MDGA2: variants seen among roughly 807,000 people sequenced by gnomAD.
MDGA2 encodes MAM domain containing glycosylphosphatidylinositol anchor 2, also known as MAM domain-containing glycosylphosphatidylinositol anchor protein 2.
MDGA2 carries 40 observed loss-of-function variants against 117.8 expected under a neutral mutation model. That is an observed-to-expected ratio of 0.34 (90% CI 0.26 to 0.44). The LOEUF (loss-of-function observed/expected upper bound fraction) is 0.44, where lower values mean the gene tolerates loss of function less well. Ranked by LOEUF, MDGA2 falls within the 20% of genes least tolerant of loss-of-function variation. The pLI is 1.00. For synonymous variants in MDGA2, 452 were observed against 439.0 expected, an observed-to-expected ratio of 1.03 and a Z score of -0.37; for missense variants, 1,123 against 1,250.6, an observed-to-expected ratio of 0.90 and a Z score of 1.54.
rs1447977553 is a variant in MDGA2, at chr14:46,877,625, A to T, written c.2417-116T>A. ...CATAGTTCCTTACCAAAACTTAATG[A>T]TCTTTCCCACTGTGGCCATTGAGAT... On this transcript the variant is annotated intron_variant, in intron 11 of 16. Coordinates refer to ENST00000399232, the MANE Select transcript of MDGA2 (RefSeq NM_001113498.3). 12 of 649,018 alleles carry T rather than the reference A, an allele frequency of 1.8e-5. 1 individual carries two copies. In the East Asian group the frequency reaches 3.6e-4, roughly 20 times the overall value. The allele number at this position is 649,018 out of a possible 1,614,324, so 40.2% of individuals were successfully genotyped here. A position where few individuals can be genotyped will look rare whatever the true frequency, so the allele number is the denominator to read the frequency against.
chr14:47,588,244 A>ATATATATG (rs1896366440), intron 1 of MDGA2, among the ~76,000 whole-genome samples: 1 of 83,534 alleles, frequency 1.2e-5, no homozygotes, highest in Non-Finnish European at 2.5e-5. Flanking sequence ...ATAGATATAT[A>ATATATATG]TATATATATA....
chr14:47,654,337 T>G (rs1195810284), intron 1 of MDGA2, among the ~76,000 whole-genome samples: 3 of 152,104 alleles, frequency 2.0e-5, no homozygotes, highest in Non-Finnish European at 4.4e-5. Context: ...GAAGTCTCCC[T>G]GTTAAGAGAC....
At chr14:47,229,866 C>A (rs1015351507) in intron 2 of MDGA2, among the ~76,000 whole-genome samples, 4 of 152,004 alleles carry the variant, frequency 2.6e-5, no homozygotes, top group South Asian at 2.1e-4. Flanking sequence ...GGAGGATATT[C>A]CAGTTGGCTG....
chr14:47,218,124 C>T lies in MDGA2; in HGVS notation c.492G>A (p.Leu164=). ...FQDSSVFNET[L]RITNIQRHQG... is the part of the protein sequence containing the mutation. Reference sequence around the variant, plus strand: ...GGTGTCGCTGAATATTTGTAATCCTCAAAGTCTCATTGAAGACACTTGAGT... The same window carrying T: ...GGTGTCGCTGAATATTTGTAATCCTTAAAGTCTCATTGAAGACACTTGAGT... Residue 164 remains leucine (L), a synonymous_variant, in exon 3 of 17, where the codon TTG becomes TTA. Transcript: ENST00000399232. 1.9e-6 allele frequency: 3 copies of T among 1,551,284 alleles called. No individual in the cohort carries two copies. Among genetic ancestry groups the T allele is most frequent in the Non-Finnish European group, 2.6e-6 (3 of 1,146,678 alleles).
chr14:47,455,888 T>G (rs1270338745), intron 1 of MDGA2, among the ~76,000 whole-genome samples: 1 of 151,844 alleles, frequency 6.6e-6, no homozygotes, highest in Non-Finnish European at 1.5e-5. Flanking sequence ...TCCCAGTTAC[T>G]CGGGAGGCTG....
intron 1 of MDGA2, among the ~76,000 whole-genome samples, chr14:47,600,525 C>T (rs1325782626): frequency 6.6e-6 from 1 of 151,944 alleles, no homozygotes. Context: ...CTACATGGTT[C>T]CTTTTAAAGG....
chr14:47,148,439 A>G (rs1185936650), intron 3 of MDGA2, among the ~76,000 whole-genome samples: 1 of 152,170 alleles, frequency 6.6e-6, no homozygotes, highest in African/African-American at 2.4e-5. Context: ...TCCTTACTGA[A>G]TATTTTCTCT....
At chr14:46,885,747 GC>G (rs1481817792) in intron 10 of MDGA2, among the ~76,000 whole-genome samples, 1 of 145,366 alleles carries the variant, frequency 6.9e-6, no homozygotes. Flanking sequence ...TCATGACTCA[GC>G]ATAAATCCCA....
intron 1 of MDGA2, among the ~76,000 whole-genome samples, chr14:47,461,506 C>T (rs550318333): frequency 6.6e-6 from 1 of 152,086 alleles, no homozygotes; most frequent in South Asian, 2.1e-4. Flanking sequence ...AAAATGGAAG[C>T]AATTTAAATT....
intron 1 of MDGA2, among the ~76,000 whole-genome samples, chr14:47,309,701 A>G (rs12433701): frequency 0.089 from 13,565 of 152,112 alleles, 734 homozygotes; most frequent in Non-Finnish European, 0.11. Context: ...CCAAGAATTT[A>G]AAGAAAAAAC....
Position 47,131,853 on chromosome 14 carries a change from A to G in MDGA2, c.793-7T>C. 6.4e-7 allele frequency: 1 copy of G among 1,554,770 alleles called. No individual in the cohort carries two copies. The highest frequency in any genetic ancestry group is 1.2e-5 in the South Asian group (1 of 84,306). ...TTAAGATCTTTGTTTCACCCTGAAA[A>G]TGTACACAAAAAATAAAAGTCATTA... On this transcript the variant is annotated splice_polypyrimidine_tract_variant and splice_region_variant and intron_variant, in intron 4 of 16. Coordinates refer to ENST00000399232, the MANE Select transcript of MDGA2 (RefSeq NM_001113498.3).
intron 2 of MDGA2, among the ~76,000 whole-genome samples, chr14:47,271,632 C>T (rs1206125334): frequency 1.9e-4 from 29 of 152,094 alleles, no homozygotes; most frequent in Admixed American, 1.9e-3. Context: ...GGCTCTGCAC[C>T]TCCTGACCTT....
In MDGA2 at chr14:47,520,522, G is replaced by T. The variant is rs12433812; in HGVS notation, c.280+153995C>A. Among the ~76,000 whole-genome samples the T allele has an allele frequency of 4.5e-4, 68 of 152,132 alleles. No individual in the cohort carries two copies. In the East Asian group the frequency reaches 0.012, roughly 26 times the overall value. Reference sequence around the variant, plus strand: ...AAATCTATAATATGGACATTAAAGTGTAAGTACTTTTCAAGGCCTGAGAAA... The same window carrying T: ...AAATCTATAATATGGACATTAAAGTTTAAGTACTTTTCAAGGCCTGAGAAA... On this transcript the variant is annotated intron_variant, in intron 1 of 16. Coordinates refer to ENST00000399232, the MANE Select transcript of MDGA2 (RefSeq NM_001113498.3).
At chr14:47,114,392 T>C (rs967293843) in intron 5 of MDGA2, among the ~76,000 whole-genome samples, 22 of 152,016 alleles carry the variant, frequency 1.4e-4, no homozygotes, top group Admixed American at 3.3e-4. Flanking sequence ...TAAACTACCA[T>C]TGACATTCTT....
chr14:47,384,380 A>C (rs1053347998), intron 1 of MDGA2, among the ~76,000 whole-genome samples: 3 of 151,420 alleles, frequency 2.0e-5, no homozygotes, highest in Non-Finnish European at 4.4e-5. Flanking sequence ...AATAATCTTA[A>C]AGTCTAGAAC....
At chr14:46,895,496 C>T (rs554278695) in intron 10 of MDGA2, among the ~76,000 whole-genome samples, 7 of 152,186 alleles carry the variant, frequency 4.6e-5, no homozygotes, top group South Asian at 4.1e-4. Flanking sequence ...GAGGCCGAGG[C>T]GGGTGGATCA....
At chr14:47,385,964 A>T (rs757292286) in intron 1 of MDGA2, among the ~76,000 whole-genome samples, 3 of 152,190 alleles carry the variant, frequency 2.0e-5, no homozygotes, top group Non-Finnish European at 4.4e-5. Flanking sequence ...CATATCCATT[A>T]GAGTATTTTT....
At chr14:47,297,384 TGAGA>T (rs1889108986) in intron 2 of MDGA2, among the ~76,000 whole-genome samples, 1 of 148,338 alleles carries the variant, frequency 6.7e-6, no homozygotes, top group Non-Finnish European at 1.5e-5. Flanking sequence ...GTGACAATTT[TGAGA>T]GAGAAAGAAG....
At chr14:47,623,884 T>A (rs910930257) in intron 1 of MDGA2, among the ~76,000 whole-genome samples, 1 of 152,210 alleles carries the variant, frequency 6.6e-6, no homozygotes, top group Non-Finnish European at 1.5e-5. Context: ...AAGTATATAC[T>A]GAAATTATCC....
Sources: allele counts gnomAD v4.1 joint callset (sites outside exome capture counted in the v4.1 genomes callset), GRCh38; gene constraint gnomAD v4.1.1; transcripts MANE v1.5; gene names NCBI Gene and HGNC (gene_info 2026-07-23, HGNC 2026-07-21).